Variants in NCKAP5 observed in about 807,000 individuals in gnomAD.
The protein encoded by NCKAP5 is nck-associated protein 5.
A neutral mutation model predicts 167.0 loss-of-function variants in NCKAP5; 92 were observed. The ratio of observed to expected loss-of-function variants is 0.55; its 90% CI spans 0.47 to 0.66. The LOEUF is 0.66. Among genes scored for constraint, NCKAP5 ranks in the 30% least tolerant of loss-of-function variants. The pLI is 0.00. For synonymous variants in NCKAP5, 891 were observed against 877.4 expected (o/e 1.02, Z -0.27); for missense variants, 2,378 against 2,315.0 (o/e 1.03, Z -0.56).
intron 2 of NCKAP5, among the ~76,000 whole-genome samples, chr2:133,549,126 CAAAG>C (rs1217616064): frequency 4.0e-5 from 6 of 149,812 alleles, no homozygotes; most frequent in Non-Finnish European, 6.0e-5. Context: ...TCAAAAGAGA[CAAAG>C]AAGGCCATTA....
chr2:133,375,629 T>C (rs1469356413), intron 3 of NCKAP5, among the ~76,000 whole-genome samples: 2 of 152,216 alleles, frequency 1.3e-5, no homozygotes, highest in South Asian at 4.1e-4. Context: ...GTGTGCATTG[T>C]TCTCATCCCC....
intron 19 of NCKAP5, among the ~76,000 whole-genome samples, chr2:132,695,153 A>T (rs1289649344): frequency 1.3e-5 from 2 of 152,172 alleles, no homozygotes; most frequent in African/African-American, 4.8e-5. Context: ...TCCAAATACC[A>T]TCACAATGGG....
intron 7 of NCKAP5, among the ~76,000 whole-genome samples, chr2:132,990,820 T>A (rs1411236594): frequency 6.6e-6 from 1 of 152,170 alleles, no homozygotes; most frequent in African/African-American, 2.4e-5. Context: ...CTTTTGACTT[T>A]CAGAATTATA....
chr2:132,784,342 T>G lies in NCKAP5; in HGVS notation c.2469A>C (p.Thr823=). The part of the protein sequence containing the change: ...KSKLMEPEAT[T]LLPSSGLVTL... ...TCACCAGGCCAGATGAAGGGAGTAG[T>G]GTGGTGGCTTCGGGCTCCATTAGTT... The change falls in exon 14 of 20, where the codon ACA becomes ACC. Residue 823 remains threonine, a synonymous_variant. Transcript: ENST00000409261. 1.2e-6 allele frequency: 2 copies of G among 1,614,022 alleles called. No homozygotes were observed. Among genetic ancestry groups the G allele is most frequent in the Non-Finnish European group, 1.7e-6 (2 of 1,179,896 alleles).
chr2:133,413,651 A>G (rs1206227468), intron 3 of NCKAP5, among the ~76,000 whole-genome samples: 2 of 152,050 alleles, frequency 1.3e-5, no homozygotes, highest in Admixed American at 6.5e-5. Context: ...AAGATGTCAC[A>G]TTTTTTAAAA....
chr2:132,967,037 A>G (rs536866847), intron 7 of NCKAP5, among the ~76,000 whole-genome samples: 91 of 152,246 alleles, frequency 6.0e-4, no homozygotes, highest in Non-Finnish European at 1.2e-3. Flanking sequence ...TCACCATTCC[A>G]TGTATGTTCA....
At chr2:132,772,020 T>C (rs1170702367) in intron 16 of NCKAP5, among the ~76,000 whole-genome samples, 3 of 151,906 alleles carry the variant, frequency 2.0e-5, no homozygotes, top group African/African-American at 7.3e-5. Context: ...ACCTTACCTT[T>C]TCTATGTTTA....
At chr2:132,805,558 T>C (rs535097099) in intron 11 of NCKAP5, among the ~76,000 whole-genome samples, 1 of 152,166 alleles carries the variant, frequency 6.6e-6, no homozygotes, top group Non-Finnish European at 1.5e-5. Flanking sequence ...TGGTATTTGA[T>C]TGGTATTGTT....
At chr2:132,980,386 C>T (rs1488608120) in intron 7 of NCKAP5, among the ~76,000 whole-genome samples, 1 of 152,134 alleles carries the variant, frequency 6.6e-6, no homozygotes, top group Non-Finnish European at 1.5e-5. Context: ...CCATTAAATC[C>T]TTAGGGTGGA....
intron 3 of NCKAP5, among the ~76,000 whole-genome samples, chr2:133,336,143 C>G (rs774291322): frequency 1.1e-4 from 17 of 152,092 alleles, no homozygotes; most frequent in Non-Finnish European, 1.8e-4. Flanking sequence ...GCAGCCCCAA[C>G]AGAAAAGCAG....
chr2:132,866,884 TA>T (rs776428465), intron 10 of NCKAP5, among the ~76,000 whole-genome samples: 1 of 152,174 alleles, frequency 6.6e-6, no homozygotes, highest in Non-Finnish European at 1.5e-5. Context: ...TGCTCTTAAT[TA>T]AAAAGAAATT....
chr2:132,774,155 G>T (rs1304059810), intron 15 of NCKAP5, among the ~76,000 whole-genome samples: 1 of 152,238 alleles, frequency 6.6e-6, no homozygotes, highest in East Asian at 1.9e-4. Flanking sequence ...ATTTCTGAAG[G>T]AGAGAATTTA....
intron 19 of NCKAP5, among the ~76,000 whole-genome samples, chr2:132,712,546 G>T (rs1399436651): frequency 6.6e-6 from 1 of 152,144 alleles, no homozygotes; most frequent in African/African-American, 2.4e-5. Context: ...CAGCTACTCA[G>T]GAGGCTGAGG....
intron 2 of NCKAP5, among the ~76,000 whole-genome samples, chr2:133,544,403 A>T (rs1686485911): frequency 6.6e-6 from 1 of 152,208 alleles, no homozygotes; most frequent in Non-Finnish European, 1.5e-5. Context: ...ACATGTACTT[A>T]TTTAATATGT....
chr2:132,675,215 T>C (rs13386467), intron 19 of NCKAP5, among the ~76,000 whole-genome samples: 8,102 of 152,260 alleles, frequency 0.053, 666 homozygotes, highest in African/African-American at 0.18. Context: ...TAAAATTGTG[T>C]CCTGCAGGGT....
intron 2 of NCKAP5, among the ~76,000 whole-genome samples, chr2:133,542,638 C>T (rs1686324693): frequency 6.6e-6 from 1 of 152,222 alleles, no homozygotes; most frequent in African/African-American, 2.4e-5. Flanking sequence ...AGTGTTTGCA[C>T]AGACTACCTT....
chr2:133,546,711 T>G (rs868857168), intron 2 of NCKAP5, among the ~76,000 whole-genome samples: 1 of 152,236 alleles, frequency 6.6e-6, no homozygotes, highest in Middle Eastern at 3.4e-3. Context: ...AAAAAACACT[T>G]GGTGTAAAAC....
chr2:133,244,776 T>C (rs961210246), intron 4 of NCKAP5, among the ~76,000 whole-genome samples: 3 of 152,044 alleles, frequency 2.0e-5, no homozygotes, highest in African/African-American at 7.2e-5. Context: ...GGAAAGTAAC[T>C]CTTAATCTTT....
At chr2:133,435,189 G>A (rs531391612) in intron 3 of NCKAP5, among the ~76,000 whole-genome samples, 17 of 152,174 alleles carry the variant, frequency 1.1e-4, no homozygotes, top group Non-Finnish European at 2.2e-4. Context: ...ATGTTTCAGG[G>A]AGAGATCTTC....
Sources: allele counts gnomAD v4.1 joint callset (sites outside exome capture counted in the v4.1 genomes callset), GRCh38; gene constraint gnomAD v4.1.1; transcripts MANE v1.5; gene names NCBI Gene and HGNC (gene_info 2026-07-23, HGNC 2026-07-21).